FAM227B: variants seen among roughly 807,000 people sequenced by gnomAD.
FAM227B encodes the protein protein FAM227B.
In FAM227B, 88 loss-of-function variants were observed where a neutral mutation model predicts 73.8. The observed-to-expected ratio is 1.19, with a 90% CI of 1.00 to 1.42. The LOEUF (loss-of-function observed/expected upper bound fraction) is 1.42, where lower values mean the gene tolerates loss of function less well. Among genes scored for constraint, FAM227B ranks in the 40% most tolerant of loss-of-function variants. The pLI is 0.00. For missense variants in FAM227B, 632 were observed against 590.9 expected (o/e 1.07, Z -0.72); for synonymous variants, 210 against 190.5 (o/e 1.10, Z -0.84).
intron 11 of FAM227B, among the ~76,000 whole-genome samples, chr15:49,377,934 T>G (rs1430328029): frequency 2.6e-5 from 4 of 152,094 alleles, no homozygotes; most frequent in Non-Finnish European, 5.9e-5. Context: ...AAATGTCACT[T>G]AGACCAATGT....
chr15:49,366,527 G>A, intron 13 of FAM227B: 1 of 1,499,276 alleles, frequency 6.7e-7, no homozygotes, highest in South Asian at 1.1e-5. Flanking sequence ...TAGGGTACTT[G>A]GAAGAGCTGA....
chr15:49,374,219 G>T (rs1367365201), intron 11 of FAM227B, among the ~76,000 whole-genome samples: 6 of 152,138 alleles, frequency 3.9e-5, no homozygotes, highest in Non-Finnish European at 8.8e-5. Flanking sequence ...TGAGACCCAA[G>T]CCTGATATAA....
intron 11 of FAM227B, among the ~76,000 whole-genome samples, chr15:49,403,550 A>G (rs2048316916): frequency 6.6e-6 from 1 of 152,124 alleles, no homozygotes; most frequent in South Asian, 2.1e-4. Flanking sequence ...TTATGTGCAC[A>G]GAGGTGTTTA....
At chr15:49,504,332 G>A (rs1301872715) in intron 11 of FAM227B, among the ~76,000 whole-genome samples, 4 of 151,278 alleles carry the variant, frequency 2.6e-5, no homozygotes, top group Non-Finnish European at 5.9e-5. Flanking sequence ...TGTAAATGAC[G>A]AGTTAATGGG....
chr15:49,485,673 C>T lies in FAM227B; in HGVS notation c.1012+22538G>A, dbSNP rs931784888. 18 of 152,470 alleles carry T rather than the reference C, an allele frequency of 1.2e-4. No homozygotes were observed. The South Asian group carries it at 1.7e-3, about 14-fold the overall frequency. 9.4% of individuals were successfully genotyped at this position (152,470 alleles called of 1,614,324 possible). A position where few individuals can be genotyped will look rare whatever the true frequency, so the allele number is the denominator to read the frequency against. The stretch of plus-strand genomic sequence containing the variant: ...CAATGCTTACAATAGATGTCTCACA[C>T]AGAACAATACAAATATGTAAAAAAT... On this transcript the variant is annotated intron_variant, in intron 11 of 15. Coordinates refer to ENST00000299338, the MANE Select transcript of FAM227B (RefSeq NM_152647.3).
chr15:49,560,090 A>G (rs1404244332), intron 9 of FAM227B, among the ~76,000 whole-genome samples: 1 of 152,214 alleles, frequency 6.6e-6, no homozygotes, highest in Non-Finnish European at 1.5e-5. Flanking sequence ...AGGAAGCTCA[A>G]TGAGATTCAA....
At chr15:49,572,806 CT>C (rs1247627441) in intron 8 of FAM227B, among the ~76,000 whole-genome samples, 1 of 152,036 alleles carries the variant, frequency 6.6e-6, no homozygotes, top group Non-Finnish European at 1.5e-5. Context: ...GGTTTTGTTT[CT>C]TCTATGGTCA....
intron 11 of FAM227B, among the ~76,000 whole-genome samples, chr15:49,468,535 T>C (rs1480819980): frequency 1.3e-5 from 2 of 152,296 alleles, no homozygotes; most frequent in East Asian, 3.9e-4. Context: ...AGATTAGTAT[T>C]ATCAACCATA....
intron 12 of FAM227B, among the ~76,000 whole-genome samples, chr15:49,370,448 T>G (rs1193786572): frequency 6.6e-6 from 1 of 152,228 alleles, no homozygotes; most frequent in African/African-American, 2.4e-5. Context: ...ACATTGTCAT[T>G]GATTCAAAAT....
chr15:49,505,039 T>C (rs1366509692), intron 11 of FAM227B, among the ~76,000 whole-genome samples: 1 of 152,208 alleles, frequency 6.6e-6, no homozygotes, highest in African/African-American at 2.4e-5. Flanking sequence ...TCATATTATA[T>C]TCCTACTATG....
chr15:49,377,171 C>T (rs918772017), intron 11 of FAM227B, among the ~76,000 whole-genome samples: 26 of 152,094 alleles, frequency 1.7e-4, no homozygotes, highest in African/African-American at 6.0e-4. Flanking sequence ...ACTCCAGTTT[C>T]TTCCATGTTG....
At chr15:49,595,020 G>A (rs1455590177) in intron 3 of FAM227B, among the ~76,000 whole-genome samples, 2 of 151,922 alleles carry the variant, frequency 1.3e-5, no homozygotes, top group Non-Finnish European at 2.9e-5. Context: ...TTGGCAGTAC[G>A]GTCATTTTCA....
chr15:49,399,232 T>C (rs1207612580), intron 11 of FAM227B, among the ~76,000 whole-genome samples: 1 of 129,928 alleles, frequency 7.7e-6, no homozygotes, highest in South Asian at 2.8e-4. Flanking sequence ...TCTATGCAAA[T>C]AAACTAGAAA....
intron 8 of FAM227B, 118 bp from the exon 9 acceptor site, chr15:49,568,464 C>A (rs2074836296): frequency 1.2e-6 from 1 of 811,748 alleles, no homozygotes; most frequent in South Asian, 1.9e-5. Context: ...GGAGAATCAG[C>A]ATGGGTTTTC....
intron 13 of FAM227B, among the ~76,000 whole-genome samples, chr15:49,361,111 G>T (rs1314435821): frequency 6.6e-6 from 1 of 152,064 alleles, no homozygotes; most frequent in Non-Finnish European, 1.5e-5. Flanking sequence ...GAATATGTTA[G>T]CTTGATTCAG....
chr15:49,329,698 A>G (rs2038229877), intron 15 of FAM227B: 1 of 974,520 alleles, frequency 1.0e-6, no homozygotes, highest in African/African-American at 1.8e-5. Context: ...CAAAAATCTG[A>G]AACCTGAATT....
chr15:49,489,853 ATATATTT>A (rs1567382532), intron 11 of FAM227B, among the ~76,000 whole-genome samples: 7 of 16,974 alleles, frequency 4.1e-4, no homozygotes, highest in East Asian at 3.8e-3. Context: ...ATATATATAT[ATATATTT>A]TATATATATA....
chr15:49,490,978 A>C (rs575863508), intron 11 of FAM227B, among the ~76,000 whole-genome samples: 18 of 152,140 alleles, frequency 1.2e-4, no homozygotes, highest in South Asian at 6.2e-4. Context: ...ACAGGAAATA[A>C]AATTGAAAAA....
At chr15:49,391,569 A>AT (rs1359156046) in intron 11 of FAM227B, among the ~76,000 whole-genome samples, 1 of 152,022 alleles carries the variant, frequency 6.6e-6, no homozygotes, top group African/African-American at 2.4e-5. Flanking sequence ...TTTGTTCTAA[A>AT]TTTTTTCCTG....
Sources: allele counts gnomAD v4.1 joint callset (sites outside exome capture counted in the v4.1 genomes callset), GRCh38; gene constraint gnomAD v4.1.1; transcripts MANE v1.5; gene names NCBI Gene and HGNC (gene_info 2026-07-23, HGNC 2026-07-21).